Variants in PAK3 observed in about 807,000 individuals in gnomAD.
PAK3 encodes p21 (RAC1) activated kinase 3.
PAK3 carries 4 observed loss-of-function variants against 41.0 expected under a neutral mutation model. The ratio of observed to expected loss-of-function variants is 0.10; its 90% CI spans 0.05 to 0.22. The LOEUF (loss-of-function observed/expected upper bound fraction) is 0.22, where lower values mean the gene tolerates loss of function less well. Among genes scored for constraint, PAK3 ranks in the 10% least tolerant of loss-of-function variants. The probability of loss-of-function intolerance (pLI) is 1.00; values close to 1 mark genes in which losing one functional copy is unlikely to be tolerated. For synonymous variants in PAK3, 146 were observed against 139.6 expected (o/e 1.05, Z -0.32); for missense variants, 205 against 409.9 (o/e 0.50, Z 4.32).
At chrX:110,978,654 C>T (rs909859501) in intron 1 of PAK3, among the ~76,000 whole-genome samples, 1 of 110,291 alleles carries the variant, frequency 9.1e-6, no homozygotes, top group Admixed American at 9.6e-5. Flanking sequence ...CTTTCTTTTT[C>T]TTTCTTTCTT....
In PAK3 at chrX:111,226,977, G is replaced by A. The variant is rs1603406326; in HGVS notation, c.*6530G>A. ...TCATAACATCTACACAAAACAAGTT[G>A]AGAAGGATCCACGTTTTCATTGTTT... On this transcript the variant is annotated 3_prime_UTR_variant, in exon 18 of 18. Coordinates refer to ENST00000372007, the MANE Select transcript of PAK3 (RefSeq NM_002578.5). 1 of 112,372 alleles carries A rather than the reference G, an allele frequency of 8.9e-6. No individual in the cohort carries two copies. The highest frequency in any genetic ancestry group is 1.9e-5 in the Non-Finnish European group (1 of 53,316). 9.3% of individuals were successfully genotyped at this position (112,372 alleles called of 1,213,427 possible). A position where few individuals can be genotyped will look rare whatever the true frequency, so the allele number is the denominator to read the frequency against.
chrX:111,031,688 G>A (rs773200301), intron 1 of PAK3, among the ~76,000 whole-genome samples: 2 of 111,404 alleles, frequency 1.8e-5, no homozygotes, highest in African/African-American at 3.3e-5. Context: ...GGTTACTATC[G>A]CAACCTCATT....
At chrX:111,078,842 G>A (rs1457844400) in intron 1 of PAK3, among the ~76,000 whole-genome samples, 1 of 111,947 alleles carries the variant, frequency 8.9e-6, no homozygotes, top group African/African-American at 3.2e-5. Flanking sequence ...CTACTCCAGT[G>A]AACACATGAA....
chrX:111,142,336 C>T, intron 6 of PAK3, 140 bp downstream of exon 6: 1 of 531,851 alleles, frequency 1.9e-6, no homozygotes, highest in Non-Finnish European at 3.4e-6. Flanking sequence ...ATTGCCTAGG[C>T]AATCATAGAT....
intron 16 of PAK3, among the ~76,000 whole-genome samples, chrX:111,196,854 CTTTT>C (rs375476309): frequency 3.8e-5 from 3 of 79,231 alleles, no homozygotes; most frequent in Non-Finnish European, 7.4e-5. Context: ...TTCTTTCTTT[CTTTT>C]TTTTTTTTTT....
chrX:111,047,792 AG>A (rs1250923915), intron 1 of PAK3, among the ~76,000 whole-genome samples: 1 of 111,862 alleles, frequency 8.9e-6, no homozygotes, highest in Non-Finnish European at 1.9e-5. Context: ...CTCTGACAGC[AG>A]GAAGTGCCAT....
chrX:110,948,618 T>C (rs981023984), intron 1 of PAK3, among the ~76,000 whole-genome samples: 7 of 111,859 alleles, frequency 6.3e-5, no homozygotes, highest in Non-Finnish European at 1.3e-4. Context: ...GAAAGGAGAA[T>C]GGAGTTCTTG....
At chrX:111,136,723 T>G (rs1486656350) in intron 5 of PAK3, among the ~76,000 whole-genome samples, 1 of 111,859 alleles carries the variant, frequency 8.9e-6, no homozygotes, top group Non-Finnish European at 1.9e-5. Context: ...GGTTGAATAT[T>G]GCAGAGAAAG....
intron 1 of PAK3, among the ~76,000 whole-genome samples, chrX:111,067,359 T>C (rs1157976808): frequency 9.0e-6 from 1 of 111,678 alleles, no homozygotes; most frequent in East Asian, 2.8e-4. Context: ...GCAACAATAC[T>C]ATGAGGAGTG....
intron 1 of PAK3, among the ~76,000 whole-genome samples, chrX:111,048,125 G>C (rs1265331944): frequency 9.0e-6 from 1 of 110,803 alleles, no homozygotes; most frequent in African/African-American, 3.3e-5. Flanking sequence ...GACCTCCATG[G>C]AGTCACATCC....
chrX:111,072,500 A>T (rs2092753273), intron 1 of PAK3, among the ~76,000 whole-genome samples: 1 of 112,589 alleles, frequency 8.9e-6, no homozygotes, highest in African/African-American at 3.2e-5. Flanking sequence ...AGAGTTTGTA[A>T]TTATTAATGG....
At chrX:110,991,308 T>C (rs1375124090) in intron 1 of PAK3, among the ~76,000 whole-genome samples, 2 of 111,857 alleles carry the variant, frequency 1.8e-5, no homozygotes, top group African/African-American at 6.5e-5. Context: ...ACATTTAGCA[T>C]AGCACCTGAT....
At chrX:111,062,668 G>A (rs1179260430) in intron 1 of PAK3, among the ~76,000 whole-genome samples, 3 of 111,153 alleles carry the variant, frequency 2.7e-5, no homozygotes, top group East Asian at 2.8e-4. Context: ...CCTGGAGGGC[G>A]TCCAGGCTCA....
At chrX:111,163,774 A>G in intron 10 of PAK3, 47 bp downstream of exon 10, 10 of 996,207 alleles carry the variant, frequency 1.0e-5, no homozygotes, top group Non-Finnish European at 1.3e-5. Flanking sequence ...AGTGTTTCTC[A>G]TAAGCCATTT....
chrX:111,095,037 T>C (rs2092962464), upstream of PAK3, among the ~76,000 whole-genome samples: 1 of 111,359 alleles, frequency 9.0e-6, no homozygotes, highest in Non-Finnish European at 1.9e-5. Flanking sequence ...TGGGCAGATA[T>C]ATTAGTTCAC....
Position 111,215,879 on chromosome X carries a change from C to T in PAK3, c.1408-542C>T, listed in dbSNP as rs190993661. Among the ~76,000 whole-genome samples, 12 of 112,205 alleles carry T rather than the reference C, an allele frequency of 1.1e-4. No individual in the cohort carries two copies. The East Asian group carries it at 3.4e-3, about 32-fold the overall frequency. On this transcript the variant is annotated intron_variant, in intron 16 of 17. Coordinates refer to ENST00000372007, the MANE Select transcript of PAK3 (RefSeq NM_002578.5). ...TGAGTTCTTGGGCCCCACAGCTTGC[C>T]TCTCTCATCCAGGCACTGGCATCTT...
intron 1 of PAK3, among the ~76,000 whole-genome samples, chrX:111,067,993 CT>C (rs1271789211): frequency 1.8e-5 from 2 of 110,759 alleles, no homozygotes; most frequent in Non-Finnish European, 3.8e-5. Context: ...TGATTTTCTA[CT>C]TTTTATTGGG....
chrX:111,023,157 T>C (rs2092214997), intron 1 of PAK3, among the ~76,000 whole-genome samples: 1 of 111,722 alleles, frequency 9.0e-6, no homozygotes, highest in Non-Finnish European at 1.9e-5. Flanking sequence ...TTTTCTCATC[T>C]TGTGTTACAT....
intron 17 of PAK3, among the ~76,000 whole-genome samples, chrX:111,217,262 C>A (rs1321552237): frequency 8.9e-6 from 1 of 111,843 alleles, no homozygotes; most frequent in African/African-American, 3.3e-5. Context: ...TTCCACCACA[C>A]GTCACACACA....
Sources: gnomAD v4.1 joint callset for allele counts (sites outside exome capture counted in the v4.1 genomes callset) on GRCh38, gnomAD v4.1.1 for gene constraint, MANE v1.5 for transcripts, NCBI Gene and HGNC (gene_info 2026-07-23, HGNC 2026-07-21) for gene names.